Variants in LAPTM4B observed in about 807,000 individuals in gnomAD.
The protein encoded by LAPTM4B is lysosomal-associated transmembrane protein 4B.
Under a neutral mutation model 28.5 loss-of-function variants are expected in LAPTM4B, and 26 were observed. That is an observed-to-expected ratio of 0.91 (90% CI 0.67 to 1.27). The LOEUF (loss-of-function observed/expected upper bound fraction) is 1.27, where lower values mean the gene tolerates loss of function less well. Among genes scored for constraint, LAPTM4B ranks in the 50% most tolerant of loss-of-function variants. LAPTM4B has a pLI of 0.00. For synonymous variants in LAPTM4B, 109 were observed against 106.4 expected, an observed-to-expected ratio of 1.02 and a Z score of -0.15; for missense variants, 288 against 285.8, an observed-to-expected ratio of 1.01 and a Z score of -0.06.
At chr8:97,777,362 G>A (rs1426660145) in intron 1 of LAPTM4B, among the ~76,000 whole-genome samples, 1 of 151,866 alleles carries the variant, frequency 6.6e-6, no homozygotes, top group Non-Finnish European at 1.5e-5. Flanking sequence ...TGGCCAGGCT[G>A]GTCTCGAACT....
intron 6 of LAPTM4B, among the ~76,000 whole-genome samples, chr8:97,843,103 C>A (rs1267671986): frequency 6.6e-6 from 1 of 151,186 alleles, no homozygotes; most frequent in Non-Finnish European, 1.5e-5. Context: ...CTGGTCTCTA[C>A]CTTTTGACCT....
chr8:97,789,721 A>T (rs1458548909), intron 1 of LAPTM4B, among the ~76,000 whole-genome samples: 1 of 151,634 alleles, frequency 6.6e-6, no homozygotes, highest in Non-Finnish European at 1.5e-5. Flanking sequence ...GGATTTCTCC[A>T]TGTTGGTCAG....
At chr8:97,809,366 G>A (rs7815295) in intron 2 of LAPTM4B, among the ~76,000 whole-genome samples, 68,684 of 152,036 alleles carry the variant, frequency 0.45, 15,986 homozygotes, top group East Asian at 0.57. Flanking sequence ...TTCTGGAAGA[G>A]TTCATATGAG....
chr8:97,835,678 A>G (rs1817247758), intron 6 of LAPTM4B, among the ~76,000 whole-genome samples: 1 of 152,190 alleles, frequency 6.6e-6, no homozygotes, highest in Non-Finnish European at 1.5e-5. Context: ...TTGAGTCTGC[A>G]GCTCCCTTGG....
At chr8:97,841,421 G>A (rs1055964182) in intron 6 of LAPTM4B, among the ~76,000 whole-genome samples, 21 of 152,290 alleles carry the variant, frequency 1.4e-4, no homozygotes, top group African/African-American at 5.1e-4. Context: ...TCCACCTCCT[G>A]GGTTCAAGTG....
rs1215586608 is a variant in LAPTM4B, at chr8:97,851,645, G to C, written c.*171G>C. On this transcript the variant is annotated 3_prime_UTR_variant, in exon 7 of 7. Transcript: ENST00000521545. ...AACTGTAGTTTTCAACATATGCTTT[G>C]CTGGAACACTGTGATAGATTAACTG... 2.1e-5 allele frequency: 13 copies of C among 622,444 alleles called. No individual in the cohort carries two copies. The highest frequency in any genetic ancestry group is 3.1e-5 in the Non-Finnish European group (11 of 349,272). The allele number at this position is 622,444 out of a possible 1,614,324, so 38.6% of individuals were successfully genotyped here. A position where few individuals can be genotyped will look rare whatever the true frequency, so the allele number is the denominator to read the frequency against.
intron 1 of LAPTM4B, among the ~76,000 whole-genome samples, chr8:97,779,747 C>CT (rs1816280445): frequency 6.9e-6 from 1 of 143,978 alleles, no homozygotes; most frequent in African/African-American, 2.6e-5. Context: ...CAGCAAGACT[C>CT]TTATCTAAAA....
In LAPTM4B at chr8:97,851,681, C is replaced by T; in HGVS notation, c.*207C>T. ...GTGATAGATTAACTGTAGAATTCTT[C>T]CTGTACGATTGGGGATATAATGGGC... On this transcript the variant is annotated 3_prime_UTR_variant, in exon 7 of 7. Transcript: ENST00000521545. 3.4e-6 allele frequency: 2 copies of T among 586,950 alleles called. No homozygotes were observed. Among genetic ancestry groups the T allele is most frequent in the South Asian group, 4.2e-5 (2 of 47,968 alleles). The allele number at this position is 586,950 out of a possible 1,614,324, so 36.4% of individuals were successfully genotyped here.
At chr8:97,825,296 G>A (rs1384675628) in intron 6 of LAPTM4B, 143 bp downstream of exon 6, 7 of 499,696 alleles carry the variant, frequency 1.4e-5, no homozygotes, top group Admixed American at 3.6e-5. Flanking sequence ...ATTCATCTTA[G>A]TTATCAAAAT....
rs201546146 is a variant in LAPTM4B at position 97,832,676 on chromosome 8, T to TTTTTATTTTA, written c.603+7543_603+7552dup. ...TCTGACGATATTTTTTATTTATTTA[T>TTTTTATTTTA]TTTTATTTTATTTTATTTTATTTTA... On this transcript the variant is annotated intron_variant, in intron 6 of 6. Coordinates refer to ENST00000521545, the MANE Select transcript of LAPTM4B (RefSeq NM_018407.6). Among the ~76,000 whole-genome samples, 330 of 113,104 alleles carry TTTTTATTTTA rather than the reference T, an allele frequency of 2.9e-3. 1 individual carries two copies. The highest frequency in any genetic ancestry group is 7.8e-3 in the South Asian group (27 of 3,482). The allele number at this position is 113,104 out of a possible 152,430, so 74.2% of individuals were successfully genotyped here. A position where few individuals can be genotyped will look rare whatever the true frequency, so the allele number is the denominator to read the frequency against.
rs769325522 is a variant in LAPTM4B at position 97,851,462 on chromosome 8, C to T, written c.669C>T (p.Tyr223=). 7 of 1,613,796 alleles carry T rather than the reference C, an allele frequency of 4.3e-6. No homozygotes were observed. The East Asian group carries it at 6.7e-5, about 15-fold the overall frequency. ...NGAAKEPPPP[Y]VSA ...CTGCCAAGGAGCCACCGCCACCTTA[C>T]GTGTCTGCCTAAGCCTTCAAGTGGG... The change falls in exon 7 of 7, where the codon TAC becomes TAT. Residue 223 remains tyrosine, a synonymous_variant. Transcript: ENST00000521545.
rs1816529526 is a variant in LAPTM4B at position 97,793,055 on chromosome 8, CTGT to C, written c.100-12292_100-12290del. Among the ~76,000 whole-genome samples, 3 of 150,698 alleles carry C rather than the reference CTGT, an allele frequency of 2.0e-5. 1 individual carries two copies. The South Asian group carries it at 6.3e-4, about 32-fold the overall frequency. ...GAAACTCTAGAATGAAAAAAAAATA[CTGT>C]TGTTGATAAGGTAACAGAATTTGTG... is the stretch of plus-strand genomic sequence containing the variant. On this transcript the variant is annotated intron_variant, in intron 1 of 6. Coordinates refer to ENST00000521545, the MANE Select transcript of LAPTM4B (RefSeq NM_018407.6).
chr8:97,799,205 G>A (rs1816635470), intron 1 of LAPTM4B, among the ~76,000 whole-genome samples: 1 of 152,214 alleles, frequency 6.6e-6, no homozygotes, highest in African/African-American at 2.4e-5. Context: ...AATTGGAGAT[G>A]AAATGCCCTA....
chr8:97,850,237 C>G (rs564291075), intron 6 of LAPTM4B, among the ~76,000 whole-genome samples: 2 of 152,094 alleles, frequency 1.3e-5, no homozygotes, highest in South Asian at 4.1e-4. Flanking sequence ...TGTGTTCTGA[C>G]TGGACCCTAG....
intron 2 of LAPTM4B, among the ~76,000 whole-genome samples, chr8:97,814,257 C>T (rs1816868264): frequency 6.6e-6 from 1 of 152,156 alleles, no homozygotes; most frequent in Non-Finnish European, 1.5e-5. Context: ...CGCCTGTAAT[C>T]CCAGAACTTT....
intron 6 of LAPTM4B, among the ~76,000 whole-genome samples, chr8:97,840,290 A>G (rs1310963192): frequency 6.6e-6 from 1 of 152,250 alleles, no homozygotes; most frequent in Non-Finnish European, 1.5e-5. Flanking sequence ...CCAACTGAAA[A>G]TATTTGCGGT....
chr8:97,776,844 A>C (rs1289180715), intron 1 of LAPTM4B, among the ~76,000 whole-genome samples: 1 of 152,150 alleles, frequency 6.6e-6, no homozygotes, highest in African/African-American at 2.4e-5. Context: ...CTCAGCGGGC[A>C]AATCTGGCAT....
chr8:97,790,450 T>A (rs1376670288), intron 1 of LAPTM4B, among the ~76,000 whole-genome samples: 2 of 151,622 alleles, frequency 1.3e-5, no homozygotes, highest in African/African-American at 2.4e-5. Flanking sequence ...TAGCTGGGAC[T>A]AAAGGCACAT....
rs1817551217 is a variant in LAPTM4B at position 97,852,915 on chromosome 8, T to G, written c.*1441T>G. On this transcript the variant is annotated 3_prime_UTR_variant, in exon 7 of 7. Transcript: ENST00000521545. Reference sequence around the variant, plus strand: ...ATTTCTAGAAATGAAGAACAATCCGTGGAGAATAAATTACCATTGGTGTGG... The same window carrying G: ...ATTTCTAGAAATGAAGAACAATCCGGGGAGAATAAATTACCATTGGTGTGG... 2.2e-6 allele frequency: 1 copy of G among 449,676 alleles called. No homozygotes were observed. The highest frequency in any genetic ancestry group is 4.0e-6 in the Non-Finnish European group (1 of 252,676). The allele number at this position is 449,676 out of a possible 1,614,324, so 27.9% of individuals were successfully genotyped here. A position where few individuals can be genotyped will look rare whatever the true frequency, so the allele number is the denominator to read the frequency against.
Sources: allele counts gnomAD v4.1 joint callset (sites outside exome capture counted in the v4.1 genomes callset), GRCh38; gene constraint gnomAD v4.1.1; transcripts MANE v1.5; gene names NCBI Gene and HGNC (gene_info 2026-07-23, HGNC 2026-07-21).